SPINK9: variants seen among roughly 807,000 people sequenced by gnomAD.
The protein encoded by SPINK9 is serine peptidase inhibitor Kazal type 9.
In SPINK9, 3 loss-of-function variants were observed where a neutral mutation model predicts 10.8. That is an observed-to-expected ratio of 0.28 (90% CI 0.13 to 0.72). The LOEUF (loss-of-function observed/expected upper bound fraction) is 0.72, where lower values mean the gene tolerates loss of function less well. Among genes scored for constraint, SPINK9 ranks in the 30% least tolerant of loss-of-function variants. The probability of loss-of-function intolerance (pLI) is 0.74; values close to 1 mark genes in which losing one functional copy is unlikely to be tolerated. For missense variants in SPINK9, 101 were observed against 103.2 expected (o/e 0.98, Z 0.09); for synonymous variants, 30 against 31.2 (o/e 0.96, Z 0.12).
upstream of SPINK9, among the ~76,000 whole-genome samples, chr5:148,332,281 A>C (rs1213456675): frequency 6.6e-6 from 1 of 152,214 alleles, no homozygotes; most frequent in Admixed American, 6.5e-5. Context: ...AGAGAATCTG[A>C]GGGGATTTGC....
Position 148,339,655 on chromosome 5 carries a change from T to C in SPINK9, c.216-12T>C, listed in dbSNP as rs780870127. The C allele has an allele frequency of 1.2e-6, 2 of 1,611,976 alleles. No individual in the cohort carries two copies. The highest frequency in any genetic ancestry group is 1.7e-6 in the Non-Finnish European group (2 of 1,178,638). On this transcript the variant is annotated splice_polypyrimidine_tract_variant and intron_variant, in intron 3 of 3. Coordinates refer to ENST00000377906, the MANE Select transcript of SPINK9 (RefSeq NM_001040433.2). ...TCAGCATTTCTCATTTGTTGCTATA[T>C]TCTCTCCACAGGAAAACTGACGGCA...
intron 2 of SPINK9, among the ~76,000 whole-genome samples, chr5:148,336,878 C>T (rs1029575489): frequency 3.3e-5 from 5 of 152,094 alleles, no homozygotes; most frequent in Non-Finnish European, 7.4e-5. Context: ...TTAATTTAGC[C>T]TTCCATTCAT....
chr5:148,328,988 G>A (rs1472399531), intron 2 of SPINK9, among the ~76,000 whole-genome samples: 8 of 152,150 alleles, frequency 5.3e-5, no homozygotes. Flanking sequence ...TCTCTTCCAG[G>A]CTTTGGTGTC....
chr5:148,326,628 AG>A (rs1418602427), intron 2 of SPINK9, among the ~76,000 whole-genome samples: 1 of 152,150 alleles, frequency 6.6e-6, no homozygotes, highest in African/African-American at 2.4e-5. Flanking sequence ...CTCGTCATTT[AG>A]CATTAGGTAT....
intron 2 of SPINK9, among the ~76,000 whole-genome samples, chr5:148,328,006 T>G (rs1357454826): frequency 2.6e-5 from 4 of 151,616 alleles, no homozygotes; most frequent in Non-Finnish European, 3.0e-5. Context: ...TTTGGTTCCA[T>G]ATGAACTTTA....
chr5:148,336,309 G>A, intron 1 of SPINK9, 113 bp from the exon 2 acceptor site: 1 of 1,087,118 alleles, frequency 9.2e-7, no homozygotes, highest in Non-Finnish European at 1.4e-6. Flanking sequence ...TGTGAAGAGA[G>A]ACTTACATTT....
upstream of SPINK9, among the ~76,000 whole-genome samples, chr5:148,332,583 G>A: frequency 6.6e-6 from 1 of 152,204 alleles, no homozygotes; most frequent in Admixed American, 6.5e-5. Context: ...GGGAACTCAA[G>A]TTCACCAGGC....
upstream of SPINK9, among the ~76,000 whole-genome samples, chr5:148,331,057 C>G (rs371731113): frequency 6.6e-6 from 1 of 152,222 alleles, no homozygotes; most frequent in South Asian, 2.1e-4. Context: ...ATGCCTCGCC[C>G]TGCTTCGGCT....
chr5:148,328,578 G>A (rs1330858886), intron 2 of SPINK9, among the ~76,000 whole-genome samples: 1 of 152,130 alleles, frequency 6.6e-6, no homozygotes, highest in African/African-American at 2.4e-5. Flanking sequence ...CTTGTCTTGT[G>A]CCAGTTTTCA....
chr5:148,336,118 T>G (rs1757214361), intron 1 of SPINK9, among the ~76,000 whole-genome samples: 1 of 152,194 alleles, frequency 6.6e-6, no homozygotes, highest in Non-Finnish European at 1.5e-5. Flanking sequence ...TATGACTCAC[T>G]TATTTCTTCT....
Sources: allele counts gnomAD v4.1 joint callset (sites outside exome capture counted in the v4.1 genomes callset), GRCh38; gene constraint gnomAD v4.1.1; transcripts MANE v1.5; gene names NCBI Gene and HGNC (gene_info 2026-07-23, HGNC 2026-07-21).